Variants in CLTA observed in about 807,000 individuals in gnomAD.
The protein encoded by CLTA is clathrin light chain A.
Under a neutral mutation model 26.9 loss-of-function variants are expected in CLTA, and 9 were observed. The observed-to-expected ratio is 0.33, with a 90% CI of 0.20 to 0.58. The LOEUF (loss-of-function observed/expected upper bound fraction) is 0.58, where lower values mean the gene tolerates loss of function less well. CLTA is among the 20% of genes least tolerant of loss of function. The pLI, the probability that CLTA is intolerant of heterozygous loss-of-function variation, is 0.85. For missense variants in CLTA, 278 were observed against 294.2 expected (o/e 0.94, Z 0.40); for synonymous variants, 120 against 115.5 (o/e 1.04, Z -0.25).
intron 2 of CLTA, among the ~76,000 whole-genome samples, chr9:36,198,635 T>A (rs1827194980): frequency 6.8e-6 from 1 of 147,284 alleles, no homozygotes; most frequent in Non-Finnish European, 1.5e-5. Context: ...TGGCCAAGAT[T>A]GCGCCACTGC....
chr9:36,207,078 C>T (rs1827766760), intron 4 of CLTA, among the ~76,000 whole-genome samples: 1 of 152,120 alleles, frequency 6.6e-6, no homozygotes, highest in African/African-American at 2.4e-5. Context: ...CATCCTCAGG[C>T]CTCCTGCCTT....
chr9:36,209,344 T>C, intron 4 of CLTA: 1 of 1,500,148 alleles, frequency 6.7e-7, no homozygotes, highest in Non-Finnish European at 9.3e-7. Context: ...CTAATTCCTT[T>C]TTCTACATCT....
chr9:36,195,716 C>T (rs905896487), intron 1 of CLTA, among the ~76,000 whole-genome samples: 1 of 152,150 alleles, frequency 6.6e-6, no homozygotes, highest in African/African-American at 2.4e-5. Context: ...CCTGAAATCC[C>T]AGCACTTTCG....
intron 1 of CLTA, among the ~76,000 whole-genome samples, chr9:36,196,679 A>G (rs1042712205): frequency 5.3e-5 from 8 of 152,142 alleles, no homozygotes; most frequent in African/African-American, 1.9e-4. Context: ...CAAGAAATTT[A>G]TTACAGAGGC....
chr9:36,198,241 T>A (rs371089289), intron 2 of CLTA, among the ~76,000 whole-genome samples: 7 of 151,744 alleles, frequency 4.6e-5, no homozygotes, highest in African/African-American at 1.7e-4. Flanking sequence ...CAAGTGACCA[T>A]CCCGCCTTGG....
In CLTA at chr9:36,197,652, A is replaced by G. The variant is rs369620671; in HGVS notation, c.255+64A>G. 2.3e-4 allele frequency: 297 copies of G among 1,298,262 alleles called. 1 individual carries two copies. The African/African-American group carries it at 4.0e-3, about 17-fold the overall frequency. 80.4% of individuals were successfully genotyped at this position (1,298,262 alleles called of 1,614,324 possible). A position where few individuals can be genotyped will look rare whatever the true frequency, so the allele number is the denominator to read the frequency against. ...AGAATCTTCCTTTCCTGTGATTTTA[A>G]TTGACTGACCTAGAAAGAAACCCCA... On this transcript the variant is annotated intron_variant, in intron 2 of 4. Coordinates refer to ENST00000345519, the MANE Select transcript of CLTA (RefSeq NM_001833.4).
intron 4 of CLTA, among the ~76,000 whole-genome samples, chr9:36,205,755 GTTT>G (rs746587996): frequency 0.35 from 33,176 of 94,126 alleles, 4,380 homozygotes; most frequent in African/African-American, 0.44. Context: ...AATGACACCT[GTTT>G]TTTTTTTTTT....
At chr9:36,200,567 C>T (rs184136609) in intron 3 of CLTA, among the ~76,000 whole-genome samples, 9 of 152,346 alleles carry the variant, frequency 5.9e-5, no homozygotes, top group Admixed American at 4.6e-4. Context: ...ACCCAGATGA[C>T]ACAGCCAATT....
chr9:36,197,108 G>A (rs1453567046), intron 1 of CLTA, among the ~76,000 whole-genome samples: 1 of 152,176 alleles, frequency 6.6e-6, no homozygotes, highest in East Asian at 1.9e-4. Flanking sequence ...CCAAAAGGTC[G>A]AGGCTACAGT....
chr9:36,197,510 G>T lies in CLTA; in HGVS notation c.218-41G>T. On this transcript the variant is annotated intron_variant, in intron 1 of 4. Transcript: ENST00000345519. ...TGTACAACCCTTTGGCCCAGTGTTT[G>T]ACCAGTCCTTATTGATAGACCAAAA... 3 of 1,515,416 alleles carry T rather than the reference G, an allele frequency of 2.0e-6. No homozygotes were observed. In the South Asian group the frequency reaches 3.4e-5, roughly 17 times the overall value. The allele number at this position is 1,515,416 out of a possible 1,614,324, so 93.9% of individuals were successfully genotyped here.
chr9:36,198,874 CAAAAAA>C (rs374265014), intron 2 of CLTA, 99 bp from the exon 3 acceptor site: 7 of 455,806 alleles, frequency 1.5e-5, no homozygotes, highest in East Asian at 4.4e-5. Context: ...AACTCTGTCT[CAAAAAA>C]AAAAAAAAAA....
intron 4 of CLTA, among the ~76,000 whole-genome samples, chr9:36,207,079 C>T (rs1245900145): frequency 2.6e-5 from 4 of 152,164 alleles, no homozygotes; most frequent in Non-Finnish European, 4.4e-5. Context: ...ATCCTCAGGC[C>T]TCCTGCCTTC....
chr9:36,200,075 C>T (rs1036168742), intron 3 of CLTA, among the ~76,000 whole-genome samples: 1 of 152,174 alleles, frequency 6.6e-6, no homozygotes, highest in Non-Finnish European at 1.5e-5. Context: ...GAGATGTGTA[C>T]GTGGAGTGTC....
In CLTA at chr9:36,191,284, G is replaced by A. The variant is rs186683951; in HGVS notation, c.217+11G>A. ...CGCCGGGGGGTCCGGGTGAGAGTGC[G>A]GGCGCGTTTGGGGCGAGAGGACTTG... is the stretch of plus-strand genomic sequence containing the variant. On this transcript the variant is annotated intron_variant, in intron 1 of 4. Coordinates refer to ENST00000345519, the MANE Select transcript of CLTA (RefSeq NM_001833.4). 1 of 1,504,336 alleles carries A rather than the reference G, an allele frequency of 6.6e-7. No homozygotes were observed. Among genetic ancestry groups the A allele is most frequent in the African/African-American group, 1.4e-5 (1 of 70,546 alleles). The allele number at this position is 1,504,336 out of a possible 1,614,324, so 93.2% of individuals were successfully genotyped here.
chr9:36,191,950 A>T (rs1354035089), intron 1 of CLTA, among the ~76,000 whole-genome samples: 2 of 152,224 alleles, frequency 1.3e-5, no homozygotes, highest in Admixed American at 6.5e-5. Context: ...AGCAGAACCC[A>T]AGATTAGCCT....
intron 2 of CLTA, among the ~76,000 whole-genome samples, chr9:36,197,814 T>C (rs908476448): frequency 2.0e-5 from 3 of 152,212 alleles, no homozygotes; most frequent in Non-Finnish European, 4.4e-5. Flanking sequence ...ATCACCTTTA[T>C]TCTAAAGAAA....
chr9:36,211,937 T>G lies in CLTA; in HGVS notation c.*163T>G. 1.4e-6 allele frequency: 1 copy of G among 723,232 alleles called. No homozygotes were observed. The highest frequency in any genetic ancestry group is 1.8e-5 in the African/African-American group (1 of 56,750). The allele number at this position is 723,232 out of a possible 1,614,324, so 44.8% of individuals were successfully genotyped here. On this transcript the variant is annotated 3_prime_UTR_variant, in exon 5 of 5. Transcript: ENST00000345519. ...TGCATGTTTCCTTCCTTCAACTGTG[T>G]TCTCCCTGGCATTCAGAGAGGAGGG...
intron 4 of CLTA, chr9:36,210,637 C>G (rs1378764290): frequency 1.9e-6 from 3 of 1,614,188 alleles, no homozygotes; most frequent in Non-Finnish European, 2.5e-6. Flanking sequence ...CAAACATAAA[C>G]CATCCTTGCT....
At chr9:36,199,372 T>C (rs2132887675) in intron 3 of CLTA, among the ~76,000 whole-genome samples, 1 of 152,216 alleles carries the variant, frequency 6.6e-6, no homozygotes, top group African/African-American at 2.4e-5. Context: ...AGGTGGTGTT[T>C]ATAGAGTGCT....
Sources: gnomAD v4.1 joint callset for allele counts (sites outside exome capture counted in the v4.1 genomes callset) on GRCh38, gnomAD v4.1.1 for gene constraint, MANE v1.5 for transcripts, NCBI Gene and HGNC (gene_info 2026-07-23, HGNC 2026-07-21) for gene names.